Variants in PPP1R16B observed in about 807,000 individuals in gnomAD.
The protein encoded by PPP1R16B is protein phosphatase 1 regulatory inhibitor subunit 16B.
PPP1R16B carries 14 observed loss-of-function variants against 61.7 expected under a neutral mutation model. The observed-to-expected ratio is 0.23, with a 90% CI of 0.15 to 0.35. PPP1R16B has a LOEUF of 0.35. Ranked by LOEUF, PPP1R16B falls within the 10% of genes least tolerant of loss-of-function variation. PPP1R16B has a pLI of 1.00. For missense variants in PPP1R16B, 547 were observed against 752.5 expected, an observed-to-expected ratio of 0.73 and a Z score of 3.19; for synonymous variants, 266 against 305.3, an observed-to-expected ratio of 0.87 and a Z score of 1.34.
In PPP1R16B at chr20:38,885,170, A is replaced by G. The variant is rs557484790; in HGVS notation, c.251-4425A>G. On this transcript the variant is annotated intron_variant, in intron 2 of 10. Transcript: ENST00000299824. ...AGAGTTTGAGACCAGCCTGGTCAAC[A>G]TAGTGAGACCCCCATCCCTATATTA... Among the ~76,000 whole-genome samples the G allele has an allele frequency of 1.3e-4, 20 of 152,092 alleles. No homozygotes were observed. The South Asian group carries it at 4.2e-3, about 32-fold the overall frequency.
chr20:38,837,515 CTA>C (rs1250858664), intron 2 of PPP1R16B, among the ~76,000 whole-genome samples: 2 of 149,992 alleles, frequency 1.3e-5, no homozygotes, highest in African/African-American at 4.9e-5. Flanking sequence ...TTCATACAAT[CTA>C]TGTTTCCAGA....
chr20:38,855,982 A>AAGGAGGAGGAGGAGGAGGAGG (rs1555804355), intron 2 of PPP1R16B, among the ~76,000 whole-genome samples: 4 of 41,570 alleles, frequency 9.6e-5, no homozygotes, highest in Admixed American at 2.9e-4. Context: ...AGAGAGAGAG[A>AAGGAGGAGGAGGAGGAGGAGG]AGGAGGAGGA....
intron 1 of PPP1R16B, among the ~76,000 whole-genome samples, chr20:38,829,003 G>T (rs1568655094): frequency 6.6e-6 from 1 of 152,196 alleles, no homozygotes; most frequent in Non-Finnish European, 1.5e-5. Flanking sequence ...AGGCGGGGGT[G>T]TACCCTGCCA....
chr20:38,858,428 C>T (rs1327446127), intron 2 of PPP1R16B, among the ~76,000 whole-genome samples: 1 of 152,156 alleles, frequency 6.6e-6, no homozygotes, highest in Non-Finnish European at 1.5e-5. Flanking sequence ...AACTTTACTG[C>T]TGATTGGAAG....
intron 2 of PPP1R16B, among the ~76,000 whole-genome samples, chr20:38,856,095 G>A (rs1227696696): frequency 2.6e-5 from 4 of 150,946 alleles, no homozygotes; most frequent in Admixed American, 1.3e-4. Flanking sequence ...AACAAGCTGG[G>A]GGTGGCAAAG....
intron 1 of PPP1R16B, among the ~76,000 whole-genome samples, chr20:38,832,044 T>G (rs138022837): frequency 2.2e-4 from 34 of 152,334 alleles, no homozygotes; most frequent in African/African-American, 7.2e-4. Flanking sequence ...TCCTTTCAAC[T>G]GGTGAAATCC....
At chr20:38,916,292 T>TAA (rs1491420049) in intron 10 of PPP1R16B, among the ~76,000 whole-genome samples, 3 of 142,320 alleles carry the variant, frequency 2.1e-5, no homozygotes, top group African/African-American at 7.7e-5. Context: ...TATATATATA[T>TAA]AACATATATA....
chr20:38,900,501 G>A (rs2085383096), intron 4 of PPP1R16B, 80 bp from the exon 5 acceptor site: 2 of 1,089,726 alleles, frequency 1.8e-6, no homozygotes, highest in South Asian at 1.5e-5. Flanking sequence ...AGGATTGCAG[G>A]CGAGAGGCCA....
At chr20:38,899,799 T>C (rs538612061) in intron 4 of PPP1R16B, among the ~76,000 whole-genome samples, 2 of 146,596 alleles carry the variant, frequency 1.4e-5, no homozygotes, top group East Asian at 3.9e-4. Context: ...GTCTGAGTCT[T>C]TTTTTTTTTT....
intron 2 of PPP1R16B, among the ~76,000 whole-genome samples, chr20:38,866,255 C>A (rs998644295): frequency 1.3e-5 from 2 of 152,136 alleles, no homozygotes; most frequent in African/African-American, 4.8e-5. Context: ...GCTCCTAAAT[C>A]CCGGGTGTGC....
chr20:38,889,653 A>G lies in PPP1R16B; in HGVS notation c.309A>G (p.Thr103=). 1 of 1,593,576 alleles carries G rather than the reference A, an allele frequency of 6.3e-7. No homozygotes were observed. Among genetic ancestry groups the G allele is most frequent in the Non-Finnish European group, 8.6e-7 (1 of 1,161,192 alleles). ...ATTTGTGCAATGAGGACGGACTCAC[A>G]GCCCTACACCAGGTAAGGCCGGGCT... ...SPDLCNEDGL[T]ALHQCCIDNF... is the part of the protein sequence containing the mutation. Residue 103 remains threonine, a synonymous_variant, in exon 3 of 11, where the codon ACA becomes ACG. Coordinates refer to ENST00000299824, the MANE Select transcript of PPP1R16B (RefSeq NM_015568.4).
chr20:38,914,308 G>T (rs2085515239), intron 10 of PPP1R16B, among the ~76,000 whole-genome samples: 1 of 152,170 alleles, frequency 6.6e-6, no homozygotes, highest in African/African-American at 2.4e-5. Context: ...AAAAGGAGGG[G>T]TCGTCTGAGC....
chr20:38,885,036 CAA>C (rs71330453), intron 2 of PPP1R16B, among the ~76,000 whole-genome samples: 3 of 67,814 alleles, frequency 4.4e-5, no homozygotes, highest in Admixed American at 1.9e-4. Context: ...AACTCTGTCT[CAA>C]AAAAAAAAAA....
At chr20:38,877,956 T>G (rs1033486386) in intron 2 of PPP1R16B, among the ~76,000 whole-genome samples, 4 of 99,680 alleles carry the variant, frequency 4.0e-5, no homozygotes, top group Non-Finnish European at 7.7e-5. Context: ...ACAGTTGTTT[T>G]TTTTTTTTTT....
chr20:38,861,333 A>G (rs2085049155), intron 2 of PPP1R16B, among the ~76,000 whole-genome samples: 1 of 152,216 alleles, frequency 6.6e-6, no homozygotes, highest in Non-Finnish European at 1.5e-5. Flanking sequence ...TGACCTGGGC[A>G]GGCCCTAGAA....
In PPP1R16B at chr20:38,858,081, G is replaced by A. The variant is rs377197718; in HGVS notation, c.250+21906G>A. 5.9e-4 allele frequency among the ~76,000 whole-genome samples: 90 copies of A among 152,198 alleles called. 1 individual carries two copies. In the East Asian group the frequency reaches 0.013, roughly 21 times the overall value. On this transcript the variant is annotated intron_variant, in intron 2 of 10. Coordinates refer to ENST00000299824, the MANE Select transcript of PPP1R16B (RefSeq NM_015568.4). ...TTCCTCACCTGGTGGTGGTTTGGGG[G>A]AAAGGAGACTCTCTGGTGTCTCTTT...
chr20:38,815,945 A>G (rs953885338), intron 1 of PPP1R16B, among the ~76,000 whole-genome samples: 2 of 152,244 alleles, frequency 1.3e-5, no homozygotes, highest in Admixed American at 1.3e-4. Context: ...AGAGAAATGC[A>G]TAAGCTTAGC....
chr20:38,869,527 C>A (rs773075069), intron 2 of PPP1R16B, among the ~76,000 whole-genome samples: 1 of 152,156 alleles, frequency 6.6e-6, no homozygotes, highest in Non-Finnish European at 1.5e-5. Context: ...TATATCCTCA[C>A]CAGCAGTGTA....
At position 38,913,043 on chromosome 20, in the gene PPP1R16B, T is replaced by C. The variant is rs571451656; in HGVS notation, c.1194+4850T>C. Among the ~76,000 whole-genome samples, 3 of 151,132 alleles carry C rather than the reference T, an allele frequency of 2.0e-5. No homozygotes were observed. In the East Asian group the frequency reaches 5.9e-4, roughly 30 times the overall value. ...CGCCACCATGCCCAGCTAATTTTTGTGTTTTTTGGTAGAGATGGGGTTTCC... is the reference window on the plus strand; with the variant it reads ...CGCCACCATGCCCAGCTAATTTTTGCGTTTTTTGGTAGAGATGGGGTTTCC... On this transcript the variant is annotated intron_variant, in intron 10 of 10. Coordinates refer to ENST00000299824, the MANE Select transcript of PPP1R16B (RefSeq NM_015568.4).
Sources: allele counts gnomAD v4.1 joint callset (sites outside exome capture counted in the v4.1 genomes callset), GRCh38; gene constraint gnomAD v4.1.1; transcripts MANE v1.5; gene names NCBI Gene and HGNC (gene_info 2026-07-23, HGNC 2026-07-21).